Variants in ZNF487 observed in about 807,000 individuals in gnomAD.
ZNF487 encodes zinc finger protein 487.
A neutral mutation model predicts 3.0 loss-of-function variants in ZNF487; 4 were observed. The observed-to-expected ratio is 1.35, with a 90% CI of 0.66 to 3.08. The LOEUF (loss-of-function observed/expected upper bound fraction) is 3.08. ZNF487 is among the 30% of genes most tolerant of loss of function. The pLI, the probability that ZNF487 is intolerant of heterozygous loss-of-function variation, is 0.01. For synonymous variants in ZNF487, 55 were observed against 34.6 expected (o/e 1.59, Z -2.06); for missense variants, 146 against 98.7 (o/e 1.48, Z -2.03).
intron 1 of ZNF487, among the ~76,000 whole-genome samples, chr10:43,475,423 C>A (rs1841059237): frequency 6.6e-6 from 1 of 151,398 alleles, no homozygotes; most frequent in African/African-American, 2.4e-5. Context: ...GCTGAGGTGG[C>A]AGAATCGCTT....
At chr10:43,440,814 ATTGT>A (rs2132029609) in intron 1 of ZNF487, among the ~76,000 whole-genome samples, 1 of 151,888 alleles carries the variant, frequency 6.6e-6, no homozygotes, top group East Asian at 1.9e-4. Context: ...TTTGACTAAA[ATTGT>A]TTGTATCCCA....
intron 1 of ZNF487, among the ~76,000 whole-genome samples, chr10:43,444,313 A>T (rs568549836): frequency 6.6e-6 from 1 of 152,218 alleles, no homozygotes; most frequent in East Asian, 1.9e-4. Flanking sequence ...TACCCAGTGA[A>T]CCCAGCACTG....
chr10:43,510,587 G>A, the ZNF487 span, among the ~76,000 whole-genome samples: 229 of 151,934 alleles, frequency 1.5e-3, no homozygotes, highest in Non-Finnish European at 2.7e-3. Context: ...TCACTCTGTC[G>A]CCCAGGCTGG....
At chr10:43,513,741 G>A in the ZNF487 span, among the ~76,000 whole-genome samples, 384 of 152,302 alleles carry the variant, frequency 2.5e-3, no homozygotes, top group African/African-American at 8.7e-3. Flanking sequence ...ACTCAGGAAT[G>A]ACCACAGGGT....
chr10:43,461,547 C>T (rs568632082), intron 1 of ZNF487, among the ~76,000 whole-genome samples: 1 of 152,168 alleles, frequency 6.6e-6, no homozygotes, highest in South Asian at 2.1e-4. Context: ...TCTTGAACTC[C>T]TGGGCTCAAG....
At position 43,482,270 on chromosome 10, in the gene ZNF487, T is replaced by C. The variant is rs1206688216; in HGVS notation, c.*348T>C. On this transcript the variant is annotated 3_prime_UTR_variant, in exon 4 of 4. Coordinates refer to ENST00000437590, the MANE Select transcript of ZNF487 (RefSeq NM_001355444.3). ...TAAAATTAATCAGTATGCTAGTACA[T>C]TTTGCTGTAAGCCAAAGCATTCTGT... 1 of 396,500 alleles carries C rather than the reference T, an allele frequency of 2.5e-6. No homozygotes were observed. The highest frequency in any genetic ancestry group is 2.1e-5 in the African/African-American group (1 of 48,216). The allele number at this position is 396,500 out of a possible 1,614,324, so 24.6% of individuals were successfully genotyped here.
At chr10:43,490,570 C>T in the ZNF487 span, among the ~76,000 whole-genome samples, 2 of 115,674 alleles carry the variant, frequency 1.7e-5, no homozygotes, top group Non-Finnish European at 3.2e-5. Flanking sequence ...AGTGCAATGG[C>T]ACAATCTTGG....
chr10:43,457,393 T>C (rs1335325998), intron 1 of ZNF487, among the ~76,000 whole-genome samples: 1 of 148,618 alleles, frequency 6.7e-6, no homozygotes, highest in Non-Finnish European at 1.5e-5. Context: ...CCGTCTCTAC[T>C]AAAAATAAAA....
chr10:43,465,180 CGGGCGGGG>C (rs1187965342), intron 1 of ZNF487, among the ~76,000 whole-genome samples: 1 of 141,152 alleles, frequency 7.1e-6, no homozygotes, highest in African/African-American at 2.7e-5. Context: ...GGCGGCTGGC[CGGGCGGGG>C]GGCTGACCCC....
At chr10:43,455,617 T>C (rs1840159693) in intron 1 of ZNF487, among the ~76,000 whole-genome samples, 1 of 152,122 alleles carries the variant, frequency 6.6e-6, no homozygotes, top group South Asian at 2.1e-4. Flanking sequence ...ACGGCCCCTC[T>C]AGGTCCGTGG....
Position 43,482,117 on chromosome 10 carries a change from A to G in ZNF487, c.*195A>G, listed in dbSNP as rs546467211. 34 of 568,814 alleles carry G rather than the reference A, an allele frequency of 6.0e-5. No individual in the cohort carries two copies. In the African/African-American group the frequency reaches 6.3e-4, roughly 11 times the overall value. The allele number at this position is 568,814 out of a possible 1,614,324, so 35.2% of individuals were successfully genotyped here. The stretch of plus-strand genomic sequence containing the variant: ...AATGCGAGTGAGAATAGTTTTGGCA[A>G]GAAATCACTCCTCATTCTACAAAGT... On this transcript the variant is annotated 3_prime_UTR_variant, in exon 4 of 4. Transcript: ENST00000437590.
At chr10:43,505,022 T>A in the ZNF487 span, among the ~76,000 whole-genome samples, 1 of 151,978 alleles carries the variant, frequency 6.6e-6, no homozygotes, top group South Asian at 2.1e-4. Context: ...TTGCTGTTTT[T>A]TAAAGAGATG....
At position 43,483,030 on chromosome 10, in the gene ZNF487, A is replaced by G. The variant is rs948722130; in HGVS notation, c.*1108A>G. On this transcript the variant is annotated 3_prime_UTR_variant, in exon 4 of 4. Coordinates refer to ENST00000437590, the MANE Select transcript of ZNF487 (RefSeq NM_001355444.3). ...TAATGAAAGCTTTTACCAGAATCCC[A>G]ACTTCACTAAATGTCAGAGAGACAA... The G allele has an allele frequency of 1.9e-5, 9 of 469,440 alleles. No homozygotes were observed. The highest frequency in any genetic ancestry group is 4.6e-5 in the Admixed American group (2 of 43,212). 29.1% of individuals were successfully genotyped at this position (469,440 alleles called of 1,614,324 possible).
chr10:43,463,619 A>C (rs1218991976), intron 1 of ZNF487, among the ~76,000 whole-genome samples: 2 of 151,480 alleles, frequency 1.3e-5, no homozygotes, highest in African/African-American at 4.8e-5. Flanking sequence ...TCCTGGCATC[A>C]AGTGATCTTC....
At chr10:43,447,210 C>G (rs1041971250) in intron 1 of ZNF487, among the ~76,000 whole-genome samples, 1 of 151,282 alleles carries the variant, frequency 6.6e-6, no homozygotes, top group African/African-American at 2.4e-5. Flanking sequence ...CCGTGGAAAG[C>G]GGGAGACGGA....
At chr10:43,495,404 C>A in the ZNF487 span, among the ~76,000 whole-genome samples, 1 of 152,012 alleles carries the variant, frequency 6.6e-6, no homozygotes. Flanking sequence ...CCGCCACACC[C>A]AGCTAATTTT....
the ZNF487 span, among the ~76,000 whole-genome samples, chr10:43,515,430 A>G: frequency 6.6e-6 from 1 of 152,148 alleles, no homozygotes; most frequent in Non-Finnish European, 1.5e-5. Flanking sequence ...CAGGGAGGGG[A>G]TGTTGCCACT....
intron 1 of ZNF487, among the ~76,000 whole-genome samples, chr10:43,474,626 A>G (rs1407796290): frequency 6.6e-6 from 1 of 151,312 alleles, no homozygotes; most frequent in East Asian, 2.0e-4. Flanking sequence ...TCTGTCACCC[A>G]GGCTGGAGTG....
the ZNF487 span, among the ~76,000 whole-genome samples, chr10:43,512,359 A>G: frequency 2.0e-5 from 3 of 152,100 alleles, no homozygotes; most frequent in Non-Finnish European, 4.4e-5. Flanking sequence ...CTGATCACAT[A>G]TATGCCACTT....
Sources: gnomAD v4.1 joint callset for allele counts (sites outside exome capture counted in the v4.1 genomes callset) on GRCh38, gnomAD v4.1.1 for gene constraint, MANE v1.5 for transcripts, NCBI Gene and HGNC (gene_info 2026-07-23, HGNC 2026-07-21) for gene names.